The following RFX1 variants were observed in gnomAD, a reference collection of about 807,000 sequenced individuals.
RFX1 encodes the protein MHC class II regulatory factor RFX1.
Under a neutral mutation model 119.6 loss-of-function variants are expected in RFX1, and 42 were observed. The observed-to-expected ratio is 0.35, with a 90% CI of 0.27 to 0.45. The LOEUF is 0.45. Among genes scored for constraint, RFX1 ranks in the 20% least tolerant of loss-of-function variants. RFX1 has a pLI of 1.00. For synonymous variants in RFX1, 628 were observed against 618.5 expected, an observed-to-expected ratio of 1.02 and a Z score of -0.23; for missense variants, 1,118 against 1,368.1, an observed-to-expected ratio of 0.82 and a Z score of 2.88.
chr19:13,994,624 A>C (rs1429089905), intron 1 of RFX1, among the ~76,000 whole-genome samples: 1 of 151,404 alleles, frequency 6.6e-6, no homozygotes, highest in African/African-American at 2.4e-5. Context: ...CTGAGGCAGG[A>C]GAATCACTTG....
chr19:13,982,034 G>C, intron 5 of RFX1, 87 bp downstream of exon 5: 1 of 557,208 alleles, frequency 1.8e-6, no homozygotes, highest in South Asian at 8.7e-5. Context: ...GGGGGGCGGG[G>C]CAGGGAGCCC....
chr19:13,963,515 A>C (rs761386047), intron 18 of RFX1, 23 bp downstream of exon 18: 3 of 1,583,592 alleles, frequency 1.9e-6, no homozygotes, highest in Admixed American at 3.5e-5. Flanking sequence ...TGCCGCCCGG[A>C]CCCGATCCCG....
rs1974452547 is a variant in RFX1, at chr19:13,982,231, G to A, written c.514-3C>T. Reference sequence around the variant, plus strand: ...ACCAGACGCTGCGTGGGAAGAGCCTGGGGCCAGGGAGGGAGAGGGAGGGCA... The same window carrying A: ...ACCAGACGCTGCGTGGGAAGAGCCTAGGGCCAGGGAGGGAGAGGGAGGGCA... On this transcript the variant is annotated splice_polypyrimidine_tract_variant and splice_region_variant and intron_variant, in intron 4 of 20. Transcript: ENST00000254325. The A allele has an allele frequency of 4.6e-6, 6 of 1,301,210 alleles. No homozygotes were observed. The highest frequency in any genetic ancestry group is 1.7e-5 in the African/African-American group (1 of 59,984). 80.6% of individuals were successfully genotyped at this position (1,301,210 alleles called of 1,614,324 possible).
chr19:13,962,932 A>C, intron 20 of RFX1, 62 bp downstream of exon 20: 1 of 1,546,180 alleles, frequency 6.5e-7, no homozygotes. Flanking sequence ...CCTCCTCCCG[A>C]GCCCCTCCGT....
chr19:14,005,339 C>T (rs571377938), intron 1 of RFX1, among the ~76,000 whole-genome samples: 6 of 152,292 alleles, frequency 3.9e-5, no homozygotes, highest in South Asian at 4.1e-4. Flanking sequence ...ACTTTGCTTC[C>T]TCTTTGCTTC....
At chr19:14,003,288 C>T (rs1369178403) in intron 1 of RFX1, among the ~76,000 whole-genome samples, 1 of 149,906 alleles carries the variant, frequency 6.7e-6, no homozygotes, top group Non-Finnish European at 1.5e-5. Flanking sequence ...CCACTGTGCC[C>T]GGCCAGGATT....
rs1436178956 is a variant in RFX1 at position 13,969,859 on chromosome 19, G to A, written c.1496+135C>T. 1 of 800,740 alleles carries A rather than the reference G, an allele frequency of 1.2e-6. No individual in the cohort carries two copies. Among genetic ancestry groups the A allele is most frequent in the African/African-American group, 1.7e-5 (1 of 57,374 alleles). The allele number at this position is 800,740 out of a possible 1,614,324, so 49.6% of individuals were successfully genotyped here. A position where few individuals can be genotyped will look rare whatever the true frequency, so the allele number is the denominator to read the frequency against. ...CAAAGGCCTAGAGTGGGAGTGAGCG[G>A]GGCTGTCGAGGAGCCTCGCAGAGGC... On this transcript the variant is annotated intron_variant, in intron 10 of 20. Coordinates refer to ENST00000254325, the MANE Select transcript of RFX1 (RefSeq NM_002918.5). This position sits in a 1 kb window ranked among gnomAD's most constrained non-coding sequence, Gnocchi z 4.5.
At chr19:13,995,659 T>C (rs1171147980) in intron 1 of RFX1, among the ~76,000 whole-genome samples, 1 of 152,068 alleles carries the variant, frequency 6.6e-6, no homozygotes, top group East Asian at 1.9e-4. Flanking sequence ...AAGACCAGCC[T>C]GGTCAACATG....
At chr19:13,995,932 G>C (rs1185103707) in intron 1 of RFX1, among the ~76,000 whole-genome samples, 1 of 152,014 alleles carries the variant, frequency 6.6e-6, no homozygotes, top group Non-Finnish European at 1.5e-5. Context: ...GGAGGCTGAG[G>C]TGGGAGAATT....
Position 13,994,831 on chromosome 19 carries a change from T to A in RFX1, c.-52-936A>T, listed in dbSNP as rs188134856. Among the ~76,000 whole-genome samples the A allele has an allele frequency of 2.3e-3, 326 of 143,200 alleles. 3 individuals are homozygous for A. Among genetic ancestry groups the A allele is most frequent in the African/African-American group, 8.2e-3 (317 of 38,596 alleles). 93.9% of individuals were successfully genotyped at this position (143,200 alleles called of 152,430 possible). On this transcript the variant is annotated intron_variant, in intron 1 of 20. Transcript: ENST00000254325. ...TATAGTATATATATACACACACATA[T>A]ACACTGTATACATATATGTACACAT...
rs751773825 is a variant in RFX1 at position 13,972,773 on chromosome 19, G to A, written c.1284C>T (p.Tyr428=). Reference sequence around the variant, plus strand: ...CTGGCGAGGCACGGGTGGTGTGAGAGTAAGACTGGCTGGCACTGCCCAGCA... The same window carrying A: ...CTGGCGAGGCACGGGTGGTGTGAGAATAAGACTGGCTGGCACTGCCCAGCA... ...GYMLGSASQS[Y]SHTTRASPAT... Residue 428 remains tyrosine (Y), a synonymous_variant, in exon 9 of 21, where the codon TAC becomes TAT. Coordinates refer to ENST00000254325, the MANE Select transcript of RFX1 (RefSeq NM_002918.5). 6.2e-7 allele frequency: 1 copy of A among 1,606,516 alleles called. No homozygotes were observed. Among genetic ancestry groups the A allele is most frequent in the Non-Finnish European group, 8.5e-7 (1 of 1,176,484 alleles).
chr19:13,980,756 A>G lies in RFX1; in HGVS notation c.622-67T>C. 1.1e-6 allele frequency: 1 copy of G among 933,630 alleles called. No homozygotes were observed. Among genetic ancestry groups the G allele is most frequent in the South Asian group, 1.6e-5 (1 of 64,468 alleles). The allele number at this position is 933,630 out of a possible 1,614,324, so 57.8% of individuals were successfully genotyped here. A position where few individuals can be genotyped will look rare whatever the true frequency, so the allele number is the denominator to read the frequency against. On this transcript the variant is annotated intron_variant, in intron 5 of 20. Transcript: ENST00000254325. The surrounding 1 kb of genome is among the most constrained non-coding windows in gnomAD (Gnocchi z 5.1). The stretch of plus-strand genomic sequence containing the variant: ...TGCATCCTCTCTGAGGTGGGCTCAC[A>G]CACACACCCTTCTCAGGAGAGCTGT...
chr19:14,001,781 G>A (rs1327095952), intron 1 of RFX1, among the ~76,000 whole-genome samples: 1 of 152,092 alleles, frequency 6.6e-6, no homozygotes. Context: ...CGGGCAGATC[G>A]CCTGAAGTCA....
rs750251703 is a variant in RFX1 at position 13,970,031 on chromosome 19, C to T, written c.1459G>A (p.Val487Ile). ...AASFGKLIRS[V>I]FMGLRTRRLG... ...CGGCGGGTTCGCAGGCCCATGAAGA[C>T]GGAGCGGATGAGCTTGCCGAAGGAG... Residue 487 changes from valine (V) to isoleucine (I), a missense_variant, in exon 10 of 21, where the codon GTC (valine) becomes ATC (isoleucine). By Grantham distance (29) the Val-to-Ile change is conservative. This residue lies in a region of RFX1 where 338 missense variants were observed against 508.9 expected (regional missense o/e 0.66). Transcript: ENST00000254325. The T allele has an allele frequency of 8.1e-6, 13 of 1,613,650 alleles. No individual in the cohort carries two copies. The highest frequency in any genetic ancestry group is 2.2e-5 in the East Asian group (1 of 44,890).
chr19:13,991,427 C>T (rs1043373517), intron 2 of RFX1, among the ~76,000 whole-genome samples: 1 of 152,182 alleles, frequency 6.6e-6, no homozygotes, highest in South Asian at 2.1e-4. Flanking sequence ...CGACCTCAAC[C>T]AGGGCAGGGC....
chr19:13,969,270 C>G lies in RFX1; in HGVS notation c.1497-376G>C, dbSNP rs1974000420. Among the ~76,000 whole-genome samples the G allele has an allele frequency of 6.6e-6, 1 of 152,062 alleles. No homozygotes were observed. Among genetic ancestry groups the G allele is most frequent in the South Asian group, 2.1e-4 (1 of 4,826 alleles). ...CGCATGAATTTACTGACTCACAGAC[C>G]CTGATGAAGCACTGACTAGGTACAA... On this transcript the variant is annotated intron_variant, in intron 10 of 20. Transcript: ENST00000254325. The surrounding 1 kb of genome is among the most constrained non-coding windows in gnomAD (Gnocchi z 4.5).
intron 1 of RFX1, among the ~76,000 whole-genome samples, chr19:13,994,192 T>C (rs370565295): frequency 1.3e-5 from 2 of 151,986 alleles, no homozygotes; most frequent in South Asian, 2.1e-4. Context: ...CACATCCACA[T>C]AGGATCGCAT....
intron 1 of RFX1, among the ~76,000 whole-genome samples, chr19:13,995,880 T>C (rs890558512): frequency 3.4e-4 from 44 of 129,018 alleles, no homozygotes; most frequent in African/African-American, 1.4e-3. Context: ...AAAAAAAAAT[T>C]AAACGGGAGT....
chr19:13,983,058 G>T, intron 4 of RFX1, 129 bp downstream of exon 4: 1 of 701,120 alleles, frequency 1.4e-6, no homozygotes, highest in Non-Finnish European at 2.4e-6. Flanking sequence ...AGAGCCAGGA[G>T]GTAGGGCAGC....
Sources: gnomAD v4.1 joint callset for allele counts (sites outside exome capture counted in the v4.1 genomes callset) on GRCh38, gnomAD v4.1.1 for gene constraint, gnomAD v4.1.1 regional missense constraint, Gnocchi (gnomAD v3.1) non-coding constraint, MANE v1.5 for transcripts, NCBI Gene and HGNC (gene_info 2026-07-23, HGNC 2026-07-21) for gene names.